TFB1M: variants seen among roughly 807,000 people sequenced by gnomAD.
TFB1M encodes dimethyladenosine transferase 1, mitochondrial.
A neutral mutation model predicts 31.1 loss-of-function variants in TFB1M; 27 were observed. That is an observed-to-expected ratio of 0.87 (90% CI 0.64 to 1.20). The LOEUF (loss-of-function observed/expected upper bound fraction) is 1.20, where lower values mean the gene tolerates loss of function less well. TFB1M is among the 50% of genes most tolerant of loss of function. TFB1M has a pLI of 0.00. For synonymous variants in TFB1M, 166 were observed against 151.8 expected (o/e 1.09, Z -0.69); for missense variants, 394 against 418.7 (o/e 0.94, Z 0.51).
Position 155,257,931 on chromosome 6 carries a change from G to T in TFB1M, c.946C>A (p.Gln316Lys), listed in dbSNP as rs937927856. 15 of 1,614,122 alleles carry T rather than the reference G, an allele frequency of 9.3e-6. No individual in the cohort carries two copies. The highest frequency in any genetic ancestry group is 1.7e-5 in the Admixed American group (1 of 60,006). Residue 316 changes from glutamine (Q) to lysine (K), a missense_variant, in exon 7 of 7, where the codon CAA becomes AAA. Gln to Lys is a moderately conservative substitution (Grantham distance 53). This residue lies in a region of TFB1M where 115 missense variants were observed against 144.1 expected (regional missense o/e 0.80). Coordinates refer to ENST00000367166, the MANE Select transcript of TFB1M (RefSeq NM_016020.4). ...VYRKMCDEDP[Q>K]LFAYNFREEL... The stretch of plus-strand genomic sequence containing the variant: ...TCTCTGAAATTATATGCAAAGAGTT[G>T]TGGGTCTTCATCACACATTTTTCTG...
At chr6:155,280,184 T>C (rs1785428691) in intron 5 of TFB1M, among the ~76,000 whole-genome samples, 1 of 152,058 alleles carries the variant, frequency 6.6e-6, no homozygotes, top group Admixed American at 6.6e-5. Context: ...GAGGTGGCCA[T>C]GTAAGTAATC....
downstream of TFB1M, chr6:155,254,988 C>T (rs191281244): frequency 3.8e-5 from 6 of 158,956 alleles, no homozygotes; most frequent in Admixed American, 1.8e-4. Flanking sequence ...TCGACTTTAC[C>T]GTGGTGTGAA....
chr6:155,244,394 C>A, the TFB1M span, among the ~76,000 whole-genome samples: 1 of 152,258 alleles, frequency 6.6e-6, no homozygotes, highest in Non-Finnish European at 1.5e-5. Flanking sequence ...TACTGACTTA[C>A]ATTTTTCTTA....
downstream of TFB1M, chr6:155,256,050 T>C: frequency 4.8e-6 from 1 of 208,890 alleles, no homozygotes; most frequent in South Asian, 7.4e-5. Context: ...CTACTTTTAA[T>C]TGAGCAGCAA....
the TFB1M span, among the ~76,000 whole-genome samples, chr6:155,230,388 A>G: frequency 6.6e-6 from 1 of 152,174 alleles, no homozygotes; most frequent in Non-Finnish European, 1.5e-5. Flanking sequence ...AGTTTAGCTG[A>G]CTTTAACCCT....
At chr6:155,263,767 C>T (rs1409354914) in intron 5 of TFB1M, among the ~76,000 whole-genome samples, 2 of 152,098 alleles carry the variant, frequency 1.3e-5, no homozygotes, top group Non-Finnish European at 2.9e-5. Context: ...TAAGTCACGA[C>T]CACATGCACA....
chr6:155,275,968 C>T, intron 5 of TFB1M: 1 of 1,614,190 alleles, frequency 6.2e-7, no homozygotes, highest in Non-Finnish European at 8.5e-7. Flanking sequence ...CGAGAGCCAC[C>T]ATGGTCCTGG....
chr6:155,238,855 G>A, the TFB1M span, among the ~76,000 whole-genome samples: 1 of 152,160 alleles, frequency 6.6e-6, no homozygotes, highest in Admixed American at 6.6e-5. Flanking sequence ...AGAAAAGCAG[G>A]CCCTCAATTG....
At position 155,305,277 on chromosome 6, in the gene TFB1M, T is replaced by TATTAAATTATATATTTATATATATAAAC. The variant is rs1777643471; in HGVS notation, c.285+5910_285+5911insGTTTATATATATAAATATATAATTTAAT. Among the ~76,000 whole-genome samples, 4 of 38,742 alleles carry TATTAAATTATATATTTATATATATAAAC rather than the reference T, an allele frequency of 1.0e-4. 1 individual carries two copies. The highest frequency in any genetic ancestry group is 4.4e-4 in the African/African-American group (4 of 9,132). The allele number at this position is 38,742 out of a possible 152,430, so 25.4% of individuals were successfully genotyped here. A position where few individuals can be genotyped will look rare whatever the true frequency, so the allele number is the denominator to read the frequency against. On this transcript the variant is annotated intron_variant, in intron 2 of 6. Transcript: ENST00000367166. ...ATATATTAAATTATATATTTATATA[T>TATTAAATTATATATTTATATATATAAAC]ATATATTAAATTATATATTTATATA... is the stretch of plus-strand genomic sequence containing the variant.
At chr6:155,285,690 A>G (rs1322793871) in intron 4 of TFB1M, among the ~76,000 whole-genome samples, 1 of 152,228 alleles carries the variant, frequency 6.6e-6, no homozygotes, top group Non-Finnish European at 1.5e-5. Flanking sequence ...ATATGAATGA[A>G]CATTTTAAAT....
At chr6:155,304,925 C>T (rs1777600663) in intron 2 of TFB1M, among the ~76,000 whole-genome samples, 1 of 150,468 alleles carries the variant, frequency 6.6e-6, no homozygotes, top group Admixed American at 6.7e-5. Flanking sequence ...ACACATAAAA[C>T]CAACTGATTT....
chr6:155,295,105 G>A (rs1194803980), intron 4 of TFB1M, among the ~76,000 whole-genome samples: 6 of 152,122 alleles, frequency 3.9e-5, no homozygotes, highest in African/African-American at 1.2e-4. Flanking sequence ...AGTGGCTCAC[G>A]CCTGTAATCC....
downstream of TFB1M, chr6:155,256,072 A>G: frequency 4.3e-6 from 1 of 230,092 alleles, no homozygotes; most frequent in Non-Finnish European, 8.5e-6. Flanking sequence ...GGAAATCCAC[A>G]AGGTGAGAAG....
intron 5 of TFB1M, among the ~76,000 whole-genome samples, chr6:155,284,210 A>T (rs1463080601): frequency 6.6e-6 from 1 of 152,256 alleles, no homozygotes; most frequent in Non-Finnish European, 1.5e-5. Flanking sequence ...TCTTCAAGAC[A>T]GACAAGTAGA....
At position 155,256,572 on chromosome 6, in the gene TFB1M, C is replaced by A. The variant is rs114296676; in HGVS notation, c.*1264G>T. On this transcript the variant is annotated 3_prime_UTR_variant, in exon 7 of 7. Coordinates refer to ENST00000367166, the MANE Select transcript of TFB1M (RefSeq NM_016020.4). ...GCAAGGGAACCTTGCTGGACTCTGA[C>A]GAGGGCAGCTTGAGCAGCGGCACCC... The A allele has an allele frequency of 6.9e-5, 111 of 1,614,192 alleles. No individual in the cohort carries two copies. The African/African-American group carries it at 1.4e-3, about 21-fold the overall frequency.
At chr6:155,314,216 G>C in intron 1 of TFB1M, 80 bp downstream of exon 1, 2 of 1,582,028 alleles carry the variant, frequency 1.3e-6, no homozygotes, top group African/African-American at 1.4e-5. Flanking sequence ...ACACCCGCCC[G>C]CGGGGACGTG....
chr6:155,311,239 G>C lies in TFB1M; in HGVS notation c.234C>G (p.Val78=). ...GITRSILNAD[V]AELLVVEKDT... is the part of the protein sequence containing the mutation. ...CCTTTTCAACCACCAGAAGTTCAGCGACGTCGGCATTAAGAATAGATCTTG... is the reference window on the plus strand; with the variant it reads ...CCTTTTCAACCACCAGAAGTTCAGCCACGTCGGCATTAAGAATAGATCTTG... The change falls in exon 2 of 7, where the codon GTC becomes GTG. Residue 78 remains valine (V), a synonymous_variant. Transcript: ENST00000367166. 11 of 1,614,128 alleles carry C rather than the reference G, an allele frequency of 6.8e-6. No homozygotes were observed. The highest frequency in any genetic ancestry group is 9.3e-6 in the Non-Finnish European group (11 of 1,179,978).
At chr6:155,305,116 TTA>T (rs1249533421) in intron 2 of TFB1M, among the ~76,000 whole-genome samples, 9 of 113,810 alleles carry the variant, frequency 7.9e-5, no homozygotes, top group South Asian at 4.7e-4. Context: ...TATTATATAT[TTA>T]TATATATACA....
At chr6:155,264,177 G>C (rs572367547) in intron 5 of TFB1M, 1 of 152,044 alleles carries the variant, frequency 6.6e-6, no homozygotes, top group Non-Finnish European at 1.5e-5. Context: ...GAGTGCCTCC[G>C]GATGCTTGGT....
Sources: gnomAD v4.1 joint callset for allele counts (sites outside exome capture counted in the v4.1 genomes callset) on GRCh38, gnomAD v4.1.1 for gene constraint, gnomAD v4.1.1 regional missense constraint, MANE v1.5 for transcripts, NCBI Gene and HGNC (gene_info 2026-07-23, HGNC 2026-07-21) for gene names.